Variants in PLXNA4 observed in about 807,000 individuals in gnomAD.
The protein encoded by PLXNA4 is plexin A4.
PLXNA4 carries 44 observed loss-of-function variants against 191.8 expected under a neutral mutation model. The observed-to-expected ratio is 0.23, with a 90% CI of 0.18 to 0.29. PLXNA4 has a LOEUF of 0.29. Ranked by LOEUF, PLXNA4 falls within the 10% of genes least tolerant of loss-of-function variation. The probability of loss-of-function intolerance (pLI) is 1.00; values close to 1 mark genes in which losing one functional copy is unlikely to be tolerated. For missense variants in PLXNA4, 1,800 were observed against 2,488.8 expected, an observed-to-expected ratio of 0.72 and a Z score of 5.89; for synonymous variants, 1,082 against 1,009.5, an observed-to-expected ratio of 1.07 and a Z score of -1.36.
At chr7:132,241,471 C>A (rs1487167735) in intron 4 of PLXNA4, among the ~76,000 whole-genome samples, 1 of 152,160 alleles carries the variant, frequency 6.6e-6, no homozygotes, top group Non-Finnish European at 1.5e-5. Flanking sequence ...AGTTTTCTAC[C>A]TCTGAAACCA....
intron 2 of PLXNA4, among the ~76,000 whole-genome samples, chr7:132,504,959 G>C (rs533620776): frequency 6.6e-6 from 1 of 152,214 alleles, no homozygotes; most frequent in Non-Finnish European, 1.5e-5. Flanking sequence ...CAAAGGAATC[G>C]TAACAGGAGG....
intron 3 of PLXNA4, among the ~76,000 whole-genome samples, chr7:132,344,886 C>T (rs1397543780): frequency 6.6e-6 from 1 of 152,138 alleles, no homozygotes; most frequent in Non-Finnish European, 1.5e-5. Flanking sequence ...CATATCATAG[C>T]AGGAAGGACC....
chr7:132,608,004 T>C (rs1241851406), intron 2 of PLXNA4, among the ~76,000 whole-genome samples: 22 of 64,690 alleles, frequency 3.4e-4, no homozygotes, highest in African/African-American at 1.1e-3. Flanking sequence ...TCACCATCAC[T>C]GCCATCATCC....
At chr7:132,643,474 T>C (rs1803794042) in intron 2 of PLXNA4, among the ~76,000 whole-genome samples, 1 of 144,870 alleles carries the variant, frequency 6.9e-6, no homozygotes, top group Non-Finnish European at 1.5e-5. Flanking sequence ...AAATGCTGCA[T>C]AATCAAGCTG....
At chr7:132,524,818 C>T (rs1486895115) in intron 1 of PLXNA4, among the ~76,000 whole-genome samples, 1 of 152,120 alleles carries the variant, frequency 6.6e-6, no homozygotes, top group African/African-American at 2.4e-5. Context: ...CCACCCGCCT[C>T]GGCCTCCCAA....
At chr7:132,461,429 AC>A (rs1796497830) in intron 3 of PLXNA4, among the ~76,000 whole-genome samples, 1 of 152,228 alleles carries the variant, frequency 6.6e-6, no homozygotes, top group Middle Eastern at 3.2e-3. Flanking sequence ...GGACCACAAA[AC>A]CAGACACCCC....
intron 3 of PLXNA4, among the ~76,000 whole-genome samples, chr7:132,463,553 C>T (rs1440150748): frequency 6.6e-6 from 1 of 152,180 alleles, no homozygotes; most frequent in Non-Finnish European, 1.5e-5. Flanking sequence ...GATGGGAAGG[C>T]AAGCTGCCAG....
chr7:132,429,990 C>A (rs1397842904), intron 3 of PLXNA4, among the ~76,000 whole-genome samples: 3 of 152,120 alleles, frequency 2.0e-5, no homozygotes, highest in African/African-American at 7.2e-5. Context: ...ACAATCCCTC[C>A]CCAGAAGAAT....
chr7:132,561,604 C>T (rs1395842849), intron 1 of PLXNA4, among the ~76,000 whole-genome samples: 8 of 128,244 alleles, frequency 6.2e-5, no homozygotes, highest in Non-Finnish European at 1.6e-5. Context: ...TCTTCCTCCT[C>T]CTTCTCTTCC....
At chr7:132,383,181 C>A (rs1804969106) in intron 3 of PLXNA4, among the ~76,000 whole-genome samples, 1 of 152,108 alleles carries the variant, frequency 6.6e-6, no homozygotes, top group Non-Finnish European at 1.5e-5. Context: ...TGTGAGATGG[C>A]CAAGCCACCA....
intron 3 of PLXNA4, among the ~76,000 whole-genome samples, chr7:132,365,055 T>A (rs1348381422): frequency 2.0e-5 from 3 of 152,164 alleles, no homozygotes; most frequent in Non-Finnish European, 2.9e-5. Context: ...TCCTCGTGAA[T>A]GCCCTTCCTA....
chr7:132,267,457 T>C (rs1413047649), intron 4 of PLXNA4, among the ~76,000 whole-genome samples: 2 of 152,142 alleles, frequency 1.3e-5, no homozygotes, highest in Non-Finnish European at 2.9e-5. Context: ...TGACCTTGAC[T>C]TAGTATATCT....
chr7:132,576,718 A>T (rs1408079192), upstream of PLXNA4: 1 of 481,540 alleles, frequency 2.1e-6, no homozygotes, highest in Non-Finnish European at 2.7e-6. The surrounding 1 kb of genome is among the most constrained non-coding windows in gnomAD (Gnocchi z 5.8). Context: ...GATTCCGAAC[A>T]CCCCTTTCCT....
intron 3 of PLXNA4, among the ~76,000 whole-genome samples, chr7:132,349,772 G>A (rs1205218221): frequency 1.3e-5 from 2 of 151,958 alleles, no homozygotes; most frequent in African/African-American, 4.8e-5. Context: ...ACCCCTTGCT[G>A]CTTCTTATTA....
chr7:132,501,855 G>A (rs1798269851), intron 2 of PLXNA4, among the ~76,000 whole-genome samples: 1 of 152,254 alleles, frequency 6.6e-6, no homozygotes, highest in Non-Finnish European at 1.5e-5. Context: ...GATTTTTGAT[G>A]TGTGCATTTA....
At chr7:132,405,244 T>C (rs1287017491) in intron 3 of PLXNA4, among the ~76,000 whole-genome samples, 1 of 152,058 alleles carries the variant, frequency 6.6e-6, no homozygotes. Flanking sequence ...GCCTTGGTGA[T>C]TAAAAGTCTG....
At chr7:132,301,328 C>A (rs1475132907) in intron 3 of PLXNA4, among the ~76,000 whole-genome samples, 1 of 152,134 alleles carries the variant, frequency 6.6e-6, no homozygotes, top group South Asian at 2.1e-4. Context: ...GGCTCTTGGA[C>A]CCTTAACATA....
chr7:132,540,804 G>T (rs1315510796), intron 1 of PLXNA4, among the ~76,000 whole-genome samples: 1 of 151,254 alleles, frequency 6.6e-6, no homozygotes, highest in Non-Finnish European at 1.5e-5. Flanking sequence ...AGCCAGGATG[G>T]TCTCGATCTC....
intron 3 of PLXNA4, among the ~76,000 whole-genome samples, chr7:132,466,227 T>C (rs949542975): frequency 7.2e-5 from 11 of 152,134 alleles, no homozygotes; most frequent in African/African-American, 2.7e-4. Context: ...GGACAATGTC[T>C]GACATTTTTT....
Sources: allele counts gnomAD v4.1 joint callset (sites outside exome capture counted in the v4.1 genomes callset), GRCh38; gene constraint gnomAD v4.1.1; non-coding constraint Gnocchi (gnomAD v3.1); transcripts MANE v1.5; gene names NCBI Gene and HGNC (gene_info 2026-07-23, HGNC 2026-07-21).